PLA2G5: variants seen among roughly 807,000 people sequenced by gnomAD.
The protein encoded by PLA2G5 is Ca2+-dependent phospholipase A2.
In PLA2G5, 12 loss-of-function variants were observed where a neutral mutation model predicts 15.9. The ratio of observed to expected loss-of-function variants is 0.76; its 90% CI spans 0.48 to 1.23. PLA2G5 has a LOEUF of 1.23. PLA2G5 is among the 50% of genes most tolerant of loss of function. The probability of loss-of-function intolerance (pLI) is 0.00; values close to 1 mark genes in which losing one functional copy is unlikely to be tolerated. For missense variants in PLA2G5, 169 were observed against 177.1 expected, an observed-to-expected ratio of 0.95 and a Z score of 0.26; for synonymous variants, 71 against 71.4, an observed-to-expected ratio of 0.99 and a Z score of 0.03.
intron 4 of PLA2G5, 141 bp from the exon 5 acceptor site, chr1:20,090,427 A>C (rs191035371): frequency 9.8e-6 from 8 of 818,792 alleles, no homozygotes; most frequent in African/African-American, 8.4e-5. Flanking sequence ...CCCTTCCATC[A>C]GATTCTCTAT....
intron 1 of PLA2G5, among the ~76,000 whole-genome samples, chr1:20,048,101 A>G (rs1045666635): frequency 1.3e-5 from 2 of 152,168 alleles, no homozygotes; most frequent in Admixed American, 6.6e-5. Flanking sequence ...TGTGTACACA[A>G]TGTTTCACTA....
At chr1:20,045,223 G>T (rs1434088659) in intron 1 of PLA2G5, among the ~76,000 whole-genome samples, 1 of 152,130 alleles carries the variant, frequency 6.6e-6, no homozygotes, top group Non-Finnish European at 1.5e-5. Context: ...GGAATGGAGG[G>T]TGGAAAGTTG....
intron 2 of PLA2G5, among the ~76,000 whole-genome samples, chr1:20,085,531 G>A (rs1557755059): frequency 2.0e-5 from 3 of 151,954 alleles, no homozygotes; most frequent in Admixed American, 1.3e-4. Context: ...TGGCTTCAGC[G>A]ATTTCTAAGA....
rs1261604812 is a variant in PLA2G5 at position 20,086,228 on chromosome 1, G to T, written c.185+1G>T. On this transcript the variant is annotated splice_donor_variant, in intron 3 of 4. Coordinates refer to ENST00000375108, the MANE Select transcript of PLA2G5 (RefSeq NM_000929.3). LOFTEE classifies it high-confidence loss of function. ...GAACCCCCAAGGATGGCACCGATTGGTGAGCTGATCGCTATAACTGCCCTT... is the reference window on the plus strand; with the variant it reads ...GAACCCCCAAGGATGGCACCGATTGTTGAGCTGATCGCTATAACTGCCCTT... 1 of 1,614,108 alleles carries T rather than the reference G, an allele frequency of 6.2e-7. No homozygotes were observed. The highest frequency in any genetic ancestry group is 1.7e-5 in the Admixed American group (1 of 60,012).
At chr1:20,073,647 C>A (rs1028353353) in intron 1 of PLA2G5, among the ~76,000 whole-genome samples, 1 of 152,152 alleles carries the variant, frequency 6.6e-6, no homozygotes, top group Non-Finnish European at 1.5e-5. Flanking sequence ...TTTTGGGAGG[C>A]AGAGGCAGGC....
intron 1 of PLA2G5, 23 bp downstream of exon 1, chr1:20,070,488 A>G: frequency 2.0e-6 from 2 of 984,708 alleles, no homozygotes; most frequent in Non-Finnish European, 2.4e-6. Context: ...TGGGGGCTGC[A>G]TAAATTGGGG....
chr1:20,087,488 G>C (rs2016348716), intron 3 of PLA2G5, among the ~76,000 whole-genome samples: 1 of 152,010 alleles, frequency 6.6e-6, no homozygotes, highest in Non-Finnish European at 1.5e-5. Context: ...CCGCCTCCTG[G>C]GTTCATGCCG....
At chr1:20,031,555 A>G (rs1274980429) in intron 1 of PLA2G5, among the ~76,000 whole-genome samples, 1 of 152,030 alleles carries the variant, frequency 6.6e-6, no homozygotes, top group Non-Finnish European at 1.5e-5. Context: ...AAAAGATTTG[A>G]AATTGGAGGA....
chr1:20,079,367 C>T (rs557267561), intron 1 of PLA2G5, among the ~76,000 whole-genome samples: 6 of 152,276 alleles, frequency 3.9e-5, no homozygotes, highest in Non-Finnish European at 8.8e-5. Flanking sequence ...CTTCAGTCAG[C>T]CCTGAGGTGA....
chr1:20,066,104 G>A (rs533294844), upstream of PLA2G5: 6 of 152,252 alleles, frequency 3.9e-5, no homozygotes, highest in South Asian at 1.2e-3. Context: ...TGGTGTTAAC[G>A]TTTTGGATTT....
intron 1 of PLA2G5, among the ~76,000 whole-genome samples, chr1:20,083,790 G>A (rs1422506381): frequency 6.6e-6 from 1 of 151,718 alleles, no homozygotes; most frequent in African/African-American, 2.4e-5. Flanking sequence ...AGCCTCCACT[G>A]CTTAATGGCT....
At position 20,056,602 on chromosome 1, in the gene PLA2G5, T is replaced by C. The variant is rs529961099; in HGVS notation, n.277-3030T>C. On this transcript the variant is annotated intron_variant and non_coding_transcript_variant, in intron 1 of 6. Coordinates refer to the PLA2G5 transcript ENST00000460175. ...GGTGTGTAATTCTTTTTGGGCATTA[T>C]TGGATTCAGTTTGCTAATATTTTGT... Among the ~76,000 whole-genome samples, 4 of 152,330 alleles carry C rather than the reference T, an allele frequency of 2.6e-5. No individual in the cohort carries two copies. The South Asian group carries it at 8.3e-4, about 32-fold the overall frequency.
At position 20,070,456 on chromosome 1, in the gene PLA2G5, G is replaced by T. The variant is rs2100530092; in HGVS notation, c.-20G>T. ...ACCTCTAGAGCAGGATTTGAGGCCA[G>T]GCCAAAGAGGTTAGTTACTGATGGG... On this transcript the variant is annotated 5_prime_UTR_variant, in exon 1 of 5. In the 5' UTR this introduces an upstream ATG that the reference lacks. Coordinates refer to ENST00000375108, the MANE Select transcript of PLA2G5 (RefSeq NM_000929.3). 2.1e-5 allele frequency: 21 copies of T among 985,514 alleles called. No homozygotes were observed. In the South Asian group the frequency reaches 9.9e-4, roughly 46 times the overall value. The allele number at this position is 985,514 out of a possible 1,614,324, so 61.0% of individuals were successfully genotyped here.
chr1:20,065,858 T>G (rs2014996585), upstream of PLA2G5, among the ~76,000 whole-genome samples: 1 of 152,194 alleles, frequency 6.6e-6, no homozygotes, highest in Non-Finnish European at 1.5e-5. Flanking sequence ...ACTGTCAAAT[T>G]GGAGCAGGGT....
intron 3 of PLA2G5, among the ~76,000 whole-genome samples, chr1:20,087,281 T>C (rs933180735): frequency 2.6e-5 from 4 of 152,224 alleles, no homozygotes; most frequent in African/African-American, 9.6e-5. Flanking sequence ...CTGCTACACC[T>C]AACATACAGT....
chr1:20,046,095 C>T (rs2013887272), intron 1 of PLA2G5: 1 of 152,208 alleles, frequency 6.6e-6, no homozygotes, highest in Admixed American at 6.5e-5. Flanking sequence ...TTTCTTCCTG[C>T]TTCTAGGATG....
intron 1 of PLA2G5, among the ~76,000 whole-genome samples, chr1:20,078,048 C>G (rs11573228): frequency 1.2e-4 from 18 of 152,066 alleles, no homozygotes; most frequent in Admixed American, 9.2e-4. Context: ...TTTGGGGGGC[C>G]AGCAGAGATG....
rs3767226 is a variant in PLA2G5, at chr1:20,077,518, G to C, written c.-11+7053G>C. 0.019 allele frequency among the ~76,000 whole-genome samples: 2,921 copies of C among 152,182 alleles called. 188 individuals are homozygous for C. The East Asian group carries it at 0.21, about 11-fold the overall frequency. On this transcript the variant is annotated intron_variant, in intron 1 of 4. Transcript: ENST00000375108. ...GTGCCAAGTGTTGGGTTACAGAGGCGAAGCAGACGCAGAGCCTACCCTCAT... is the reference window on the plus strand; with the variant it reads ...GTGCCAAGTGTTGGGTTACAGAGGCCAAGCAGACGCAGAGCCTACCCTCAT...
At position 20,090,790 on chromosome 1, in the gene PLA2G5, T is replaced by A; in HGVS notation, c.*98T>A. On this transcript the variant is annotated 3_prime_UTR_variant, in exon 5 of 5. Transcript: ENST00000375108. ...CTGGTTCCTGAGAGAGGCTCCTAAG[T>A]CACAGACCTCAGTCTTTCTCGAAGC... 1 of 1,275,328 alleles carries A rather than the reference T, an allele frequency of 7.8e-7. No homozygotes were observed. The highest frequency in any genetic ancestry group is 2.3e-5 in the East Asian group (1 of 43,080). 79.0% of individuals were successfully genotyped at this position (1,275,328 alleles called of 1,614,324 possible).
Sources: gnomAD v4.1 joint callset for allele counts (sites outside exome capture counted in the v4.1 genomes callset) on GRCh38, gnomAD v4.1.1 for gene constraint, MANE v1.5 for transcripts, NCBI Gene and HGNC (gene_info 2026-07-23, HGNC 2026-07-21) for gene names.